PDE4D: variants seen among roughly 807,000 people sequenced by gnomAD.
PDE4D encodes the protein 3',5'-cyclic-AMP phosphodiesterase 4D.
In PDE4D, 24 loss-of-function variants were observed where a neutral mutation model predicts 87.4. That is an observed-to-expected ratio of 0.27 (90% CI 0.20 to 0.39). PDE4D has a LOEUF of 0.39. PDE4D is among the 10% of genes least tolerant of loss of function. The pLI, the probability that PDE4D is intolerant of heterozygous loss-of-function variation, is 1.00. For synonymous variants in PDE4D, 384 were observed against 383.2 expected, an observed-to-expected ratio of 1.00 and a Z score of -0.02; for missense variants, 714 against 1,041.0, an observed-to-expected ratio of 0.69 and a Z score of 4.32.
Position 59,551,478 on chromosome 5 carries a change from C to CACAT in PDE4D, c.456-335511_456-335510insATGT, listed in dbSNP as rs1818111182. ...AATAAAATGCTACTTCAGTCACACA[C>CACAT]ACACACACACACACACAAATACATA... On this transcript the variant is annotated intron_variant, in intron 1 of 14. Transcript: ENST00000340635. Among the ~76,000 whole-genome samples, 5 of 151,460 alleles carry CACAT rather than the reference C, an allele frequency of 3.3e-5. 1 individual carries two copies. The South Asian group carries it at 1.0e-3, about 32-fold the overall frequency.
intron 1 of PDE4D, among the ~76,000 whole-genome samples, chr5:59,794,668 C>A (rs1250595287): frequency 6.6e-6 from 1 of 152,080 alleles, no homozygotes; most frequent in Non-Finnish European, 1.5e-5. Context: ...CAGTAAAAAT[C>A]TCAAGTGAAA....
chr5:59,499,082 A>G (rs1807770222), intron 1 of PDE4D, among the ~76,000 whole-genome samples: 1 of 152,086 alleles, frequency 6.6e-6, no homozygotes, highest in African/African-American at 2.4e-5. Context: ...CTCAGACCAC[A>G]GTGGAAAAAA....
At chr5:59,366,580 C>A (rs1243347648) in intron 1 of PDE4D, among the ~76,000 whole-genome samples, 2 of 152,108 alleles carry the variant, frequency 1.3e-5, no homozygotes, top group African/African-American at 4.8e-5. Flanking sequence ...TAATTGGGAG[C>A]TTTCCACAGT....
chr5:59,116,285 C>T (rs909378272), intron 5 of PDE4D, among the ~76,000 whole-genome samples: 3 of 152,218 alleles, frequency 2.0e-5, no homozygotes, highest in African/African-American at 4.8e-5. Context: ...TTCCAGGAAG[C>T]TCATCCCTTG....
rs375498505 is a variant in PDE4D, at chr5:59,706,069, A to T, written c.455+187099T>A. ...GTACCTTGACCACTAGTACTCTTTC[A>T]GAGATTTTTTTATGTTTTCAAGAAT... is the stretch of plus-strand genomic sequence containing the variant. On this transcript the variant is annotated intron_variant, in intron 1 of 14. Transcript: ENST00000340635. Among the ~76,000 whole-genome samples, 10 of 152,256 alleles carry T rather than the reference A, an allele frequency of 6.6e-5. No homozygotes were observed. In the South Asian group the frequency reaches 2.1e-3, roughly 32 times the overall value.
At chr5:60,435,862 G>T (rs1284016232) in intron 1 of PDE4D, among the ~76,000 whole-genome samples, 1 of 151,986 alleles carries the variant, frequency 6.6e-6, no homozygotes, top group Non-Finnish European at 1.5e-5. Flanking sequence ...TTCTTCCATT[G>T]CAGACTTTCT....
At chr5:59,885,200 A>G (rs1181441206) in intron 1 of PDE4D, among the ~76,000 whole-genome samples, 1 of 152,048 alleles carries the variant, frequency 6.6e-6, no homozygotes, top group East Asian at 1.9e-4. Context: ...GTTTATTTCT[A>G]AATTATTATC....
chr5:58,983,588 T>C (rs964967565), intron 11 of PDE4D, among the ~76,000 whole-genome samples: 1 of 152,172 alleles, frequency 6.6e-6, no homozygotes, highest in African/African-American at 2.4e-5. Flanking sequence ...TTATCTTTCT[T>C]TGGATGATGG....
intron 3 of PDE4D, among the ~76,000 whole-genome samples, chr5:59,909,960 G>T (rs1753263465): frequency 6.6e-6 from 1 of 152,076 alleles, no homozygotes; most frequent in South Asian, 2.1e-4. Flanking sequence ...CATTTTGAAT[G>T]CCCCATATAT....
At chr5:60,488,883 T>G (rs1008037351), upstream of PDE4D, among the ~76,000 whole-genome samples, 5 of 152,290 alleles carry the variant, frequency 3.3e-5, no homozygotes, top group South Asian at 8.3e-4. Flanking sequence ...GGTAGAAGGG[T>G]TGGGACAGAG....
chr5:59,803,157 T>G (rs575501317), intron 1 of PDE4D, among the ~76,000 whole-genome samples: 2 of 152,090 alleles, frequency 1.3e-5, no homozygotes, highest in African/African-American at 2.4e-5. Flanking sequence ...AAACGTGACT[T>G]GATGTGCAGG....
At chr5:59,928,528 A>G (rs538032314) in intron 3 of PDE4D, among the ~76,000 whole-genome samples, 26 of 152,220 alleles carry the variant, frequency 1.7e-4, no homozygotes, top group African/African-American at 6.0e-4. Flanking sequence ...CAGTGAGCCG[A>G]GATTGTGCCT....
chr5:59,232,697 T>G (rs1180404640), intron 1 of PDE4D, among the ~76,000 whole-genome samples: 1 of 151,840 alleles, frequency 6.6e-6, no homozygotes, highest in African/African-American at 2.4e-5. Flanking sequence ...GGAAAGGAAA[T>G]CTGTATATCA....
chr5:60,183,292 C>T (rs1784522755), intron 2 of PDE4D, among the ~76,000 whole-genome samples: 1 of 152,216 alleles, frequency 6.6e-6, no homozygotes, highest in Non-Finnish European at 1.5e-5. Flanking sequence ...TTAATATACT[C>T]TGTTTGCCCT....
chr5:60,389,741 G>A (rs1189651867), intron 1 of PDE4D, among the ~76,000 whole-genome samples: 2 of 152,060 alleles, frequency 1.3e-5, no homozygotes, highest in African/African-American at 4.8e-5. Flanking sequence ...ATGTTGGCTG[G>A]GTTCTGGGAG....
At chr5:59,477,370 A>AT (rs1469694649) in intron 1 of PDE4D, among the ~76,000 whole-genome samples, 202 of 136,384 alleles carry the variant, frequency 1.5e-3, no homozygotes, top group Admixed American at 2.9e-3. Context: ...AAAAAAAAAA[A>AT]AAAATTAAAG....
At position 58,999,439 on chromosome 5, in the gene PDE4D, A is replaced by G. The variant is rs757188518; in HGVS notation, c.922-5974T>C. ...TTACAGTAGAGTCTAAGCTTTCTAAATAATTTTGTAATCAGAGTAAGGAGT... is the reference window on the plus strand; with the variant it reads ...TTACAGTAGAGTCTAAGCTTTCTAAGTAATTTTGTAATCAGAGTAAGGAGT... On this transcript the variant is annotated intron_variant, in intron 6 of 14. Transcript: ENST00000340635. The G allele has an allele frequency of 4.3e-6, 4 of 923,724 alleles. No homozygotes were observed. In the South Asian group the frequency reaches 5.9e-5, roughly 14 times the overall value. 57.2% of individuals were successfully genotyped at this position (923,724 alleles called of 1,614,324 possible).
chr5:59,686,588 T>G (rs902798182), intron 1 of PDE4D, among the ~76,000 whole-genome samples: 11 of 152,184 alleles, frequency 7.2e-5, no homozygotes, highest in Admixed American at 5.9e-4. Context: ...CAATGCCTAG[T>G]ACACAGCAGC....
intron 1 of PDE4D, among the ~76,000 whole-genome samples, chr5:59,833,906 C>T (rs1404886683): frequency 1.3e-5 from 2 of 152,042 alleles, no homozygotes; most frequent in Non-Finnish European, 2.9e-5. Flanking sequence ...TCAAGAGAAA[C>T]ACACAACAGA....
Sources: gnomAD v4.1 joint callset for allele counts (sites outside exome capture counted in the v4.1 genomes callset) on GRCh38, gnomAD v4.1.1 for gene constraint, MANE v1.5 for transcripts, NCBI Gene and HGNC (gene_info 2026-07-23, HGNC 2026-07-21) for gene names.